The following PTTG1 variants were observed in gnomAD, a reference collection of about 807,000 sequenced individuals.
The protein encoded by PTTG1 is PTTG1 regulator of sister chromatid separation, securin.
Under a neutral mutation model 20.0 loss-of-function variants are expected in PTTG1, and 8 were observed. The ratio of observed to expected loss-of-function variants is 0.40; its 90% CI spans 0.23 to 0.72. The LOEUF is 0.72. Ranked by LOEUF, PTTG1 falls within the 30% of genes least tolerant of loss-of-function variation. PTTG1 has a pLI of 0.38. For synonymous variants in PTTG1, 79 were observed against 87.2 expected, an observed-to-expected ratio of 0.91 and a Z score of 0.52; for missense variants, 197 against 236.0, an observed-to-expected ratio of 0.83 and a Z score of 1.08.
intron 5 of PTTG1, 152 bp downstream of exon 5, chr5:160,428,025 T>C: frequency 9.6e-7 from 1 of 1,037,398 alleles, no homozygotes; most frequent in Non-Finnish European, 1.4e-6. Flanking sequence ...TAAACTATTC[T>C]CGATTAATAT....
At chr5:160,427,627 A>T in intron 4 of PTTG1, 88 bp from the exon 5 acceptor site, 1 of 1,398,668 alleles carries the variant, frequency 7.1e-7, no homozygotes, top group South Asian at 1.4e-5. Context: ...GACCTCATGG[A>T]CCCCCTCAAA....
chr5:160,428,630 G>A lies in PTTG1; in HGVS notation c.558G>A (p.Leu186=). ...TGTTGCAGTCTCCTTCAAGCATTCT[G>A]TCGACCCTGGATGTTGAATTGCCAC... ...SNLLQSPSSI[L]STLDVELPPV... is the part of the protein sequence containing the mutation. Residue 186 remains leucine, a synonymous_variant, in exon 6 of 6, where the codon CTG becomes CTA. Coordinates refer to ENST00000352433, the MANE Select transcript of PTTG1 (RefSeq NM_004219.4). The A allele has an allele frequency of 6.2e-7, 1 of 1,614,080 alleles. No homozygotes were observed. Among genetic ancestry groups the A allele is most frequent in the Non-Finnish European group, 8.5e-7 (1 of 1,179,952 alleles).
At position 160,427,867 on chromosome 5, in the gene PTTG1, G is replaced by A; in HGVS notation, c.523G>A (p.Glu175Lys). The A allele has an allele frequency of 6.2e-7, 1 of 1,614,146 alleles. No individual in the cohort carries two copies. Among genetic ancestry groups the A allele is most frequent in the Non-Finnish European group, 8.5e-7 (1 of 1,180,016 alleles). The change falls in exon 5 of 6, where the codon GAA (glutamate) becomes AAA (lysine). Residue 175 changes from glutamate to lysine, a missense_variant. Coordinates refer to ENST00000352433, the MANE Select transcript of PTTG1 (RefSeq NM_004219.4). The part of the protein sequence containing the change: ...SPVKMPSPPW[E>K]SNLLQSPSSI... ...TGTGAAGATGCCCTCTCCACCATGG[G>A]AATCCAGTAAGTGAGCAAGTGCCCT...
intron 2 of PTTG1, 61 bp downstream of exon 2, chr5:160,422,464 G>A: frequency 7.0e-7 from 1 of 1,436,740 alleles, no homozygotes; most frequent in South Asian, 1.2e-5. Flanking sequence ...GGAGCTGGAC[G>A]AGACATTTAG....
intron 4 of PTTG1, among the ~76,000 whole-genome samples, chr5:160,425,847 G>C (rs1444877218): frequency 6.6e-6 from 1 of 152,224 alleles, no homozygotes; most frequent in East Asian, 1.9e-4. Context: ...ACTAATTCTT[G>C]AGTACTTAGG....
chr5:160,423,046 T>C (rs1765746021), intron 3 of PTTG1, 153 bp downstream of exon 3: 1 of 747,088 alleles, frequency 1.3e-6, no homozygotes, highest in African/African-American at 1.8e-5. Context: ...CAGATTGTCC[T>C]TGTGGACTTC....
At chr5:160,423,146 C>G (rs1253637496) in intron 3 of PTTG1, 1 of 477,412 alleles carries the variant, frequency 2.1e-6, no homozygotes, top group Admixed American at 3.5e-5. Flanking sequence ...TCACTAGTGT[C>G]GTGAAACTGG....
chr5:160,428,526 C>A (rs759297282), intron 5 of PTTG1, 76 bp from the exon 6 acceptor site: 14 of 1,259,982 alleles, frequency 1.1e-5, no homozygotes, highest in Admixed American at 1.1e-4. Context: ...TTTTGATTGA[C>A]AGCTAATGTC....
At chr5:160,423,344 A>G (rs941691303) in intron 3 of PTTG1, among the ~76,000 whole-genome samples, 3 of 152,292 alleles carry the variant, frequency 2.0e-5, no homozygotes. Context: ...TTAGGTGACA[A>G]TTTGCTAGCA....
At chr5:160,428,001 A>G in intron 5 of PTTG1, 128 bp downstream of exon 5, 1 of 1,191,840 alleles carries the variant, frequency 8.4e-7, no homozygotes, top group Non-Finnish European at 1.2e-6. Flanking sequence ...GACAAGGATT[A>G]GTTTTCAGAA....
intron 4 of PTTG1, among the ~76,000 whole-genome samples, chr5:160,426,205 T>C (rs1404668780): frequency 1.3e-5 from 2 of 152,178 alleles, no homozygotes; most frequent in South Asian, 2.1e-4. Context: ...TCACATTACA[T>C]TAATGTAAAT....
chr5:160,424,393 C>T (rs965593319), intron 4 of PTTG1, 63 bp downstream of exon 4: 3 of 1,195,804 alleles, frequency 2.5e-6, no homozygotes, highest in African/African-American at 3.1e-5. Flanking sequence ...TTCAGCTCAG[C>T]TGTAACTTGT....
intron 4 of PTTG1, among the ~76,000 whole-genome samples, chr5:160,426,571 A>G (rs939631747): frequency 2.6e-5 from 4 of 152,194 alleles, no homozygotes; most frequent in Non-Finnish European, 5.9e-5. Flanking sequence ...AATGTATCTT[A>G]TATTCTTGCA....
rs559668101 is a variant in PTTG1 at position 160,426,814 on chromosome 5, G to A, written c.371-901G>A. Among the ~76,000 whole-genome samples the A allele has an allele frequency of 2.1e-3, 314 of 152,282 alleles. 2 individuals are homozygous for A. Among genetic ancestry groups the A allele is most frequent in the African/African-American group, 7.2e-3 (298 of 41,548 alleles). On this transcript the variant is annotated intron_variant, in intron 4 of 5. Coordinates refer to ENST00000352433, the MANE Select transcript of PTTG1 (RefSeq NM_004219.4). Reference sequence around the variant, plus strand: ...ATCCCAGCACTTTGGGAGGCAAGGCGGGCGGATCACCTGAGGTCACGAGTT... The same window carrying A: ...ATCCCAGCACTTTGGGAGGCAAGGCAGGCGGATCACCTGAGGTCACGAGTT...
Position 160,422,745 on chromosome 5 carries a change from C to A in PTTG1, c.128C>A (p.Thr43Lys). The A allele has an allele frequency of 6.2e-7, 1 of 1,614,158 alleles. No individual in the cohort carries two copies. The highest frequency in any genetic ancestry group is 1.1e-5 in the South Asian group (1 of 91,080). Residue 43 changes from threonine (T) to lysine (K), a missense_variant, in exon 3 of 6, where the codon ACA becomes AAA. Physicochemically the swap from Thr to Lys is moderately conservative, Grantham distance 78 (BLOSUM62 -1). Coordinates refer to ENST00000352433, the MANE Select transcript of PTTG1 (RefSeq NM_004219.4). Reference sequence around the variant, plus strand: ...TTAGATGGGAGATCTCAAGTTTCAACACCACGTTTTGGCAAAACGTTCGAT... The same window carrying A: ...TTAGATGGGAGATCTCAAGTTTCAAAACCACGTTTTGGCAAAACGTTCGAT... ...KALDGRSQVSTPRFGKTFDAP... is the reference protein window; with the variant it reads ...KALDGRSQVSKPRFGKTFDAP...
In PTTG1 at chr5:160,422,696, A is replaced by G. The variant is rs199902471; in HGVS notation, c.92-13A>G. On this transcript the variant is annotated splice_polypyrimidine_tract_variant and intron_variant, in intron 2 of 5. Transcript: ENST00000352433. ...GCTGCTGGAATATTCTTATGGTAAGACTTTTTCTTCAGCAATCAAAGCCTT... is the reference window on the plus strand; with the variant it reads ...GCTGCTGGAATATTCTTATGGTAAGGCTTTTTCTTCAGCAATCAAAGCCTT... 4.8e-4 allele frequency: 776 copies of G among 1,613,752 alleles called. No individual in the cohort carries two copies. The highest frequency in any genetic ancestry group is 7.0e-4 in the Admixed American group (42 of 60,006).
intron 4 of PTTG1, among the ~76,000 whole-genome samples, chr5:160,425,734 T>C (rs1765793443): frequency 6.6e-6 from 1 of 151,540 alleles, no homozygotes; most frequent in Non-Finnish European, 1.5e-5. Flanking sequence ...TGGAGTCTTC[T>C]GTCTATGGTT....
chr5:160,425,735 G>A (rs988662878), intron 4 of PTTG1, among the ~76,000 whole-genome samples: 1 of 151,416 alleles, frequency 6.6e-6, no homozygotes, highest in Non-Finnish European at 1.5e-5. Flanking sequence ...GGAGTCTTCT[G>A]TCTATGGTTT....
chr5:160,422,446 C>T (rs1231843677), intron 2 of PTTG1, 43 bp downstream of exon 2: 3 of 1,537,598 alleles, frequency 2.0e-6, no homozygotes, highest in East Asian at 2.2e-5. Context: ...GTATTGTGGA[C>T]GTGGCCTGGA....
Sources: allele counts gnomAD v4.1 joint callset (sites outside exome capture counted in the v4.1 genomes callset), GRCh38; gene constraint gnomAD v4.1.1; transcripts MANE v1.5; gene names NCBI Gene and HGNC (gene_info 2026-07-23, HGNC 2026-07-21).